The following TCF12 variants were observed in gnomAD, a reference collection of about 807,000 sequenced individuals.
The protein encoded by TCF12 is transcription factor 12.
Under a neutral mutation model 86.0 loss-of-function variants are expected in TCF12, and 45 were observed. The observed-to-expected ratio is 0.52, with a 90% CI of 0.41 to 0.67. The LOEUF is 0.67. TCF12 is among the 30% of genes least tolerant of loss of function. The probability of loss-of-function intolerance (pLI) is 0.00; values close to 1 mark genes in which losing one functional copy is unlikely to be tolerated. For missense variants in TCF12, 881 were observed against 859.9 expected, an observed-to-expected ratio of 1.02 and a Z score of -0.31; for synonymous variants, 330 against 299.6, an observed-to-expected ratio of 1.10 and a Z score of -1.05.
chr15:57,204,665 A>G (rs755585958), intron 8 of TCF12, among the ~76,000 whole-genome samples: 1 of 152,164 alleles, frequency 6.6e-6, no homozygotes, highest in Non-Finnish European at 1.5e-5. Flanking sequence ...CTGCTAGACC[A>G]TGTCTAATAA....
At chr15:56,991,035 G>T (rs1937758908) in intron 3 of TCF12, among the ~76,000 whole-genome samples, 1 of 151,878 alleles carries the variant, frequency 6.6e-6, no homozygotes, top group South Asian at 2.1e-4. Flanking sequence ...GGCTTAATCA[G>T]TCCTCCCACC....
intron 3 of TCF12, among the ~76,000 whole-genome samples, chr15:57,001,631 C>T (rs1264037995): frequency 1.3e-5 from 2 of 152,212 alleles, no homozygotes; most frequent in Non-Finnish European, 2.9e-5. Context: ...GGATGTCTCA[C>T]ATTCTGGATT....
At chr15:57,247,952 C>G (rs1187760295) in intron 13 of TCF12, 1 of 749,578 alleles carries the variant, frequency 1.3e-6, no homozygotes, top group Admixed American at 1.7e-5. Context: ...TGCAAAAGCT[C>G]TGGTTCCTTT....
intron 3 of TCF12, among the ~76,000 whole-genome samples, chr15:56,970,893 TAAAA>T (rs58694609): frequency 0.23 from 33,138 of 146,380 alleles, 3,644 homozygotes; most frequent in Middle Eastern, 0.24. Context: ...CTACAAAAAA[TAAAA>T]AAAAAAATTA....
At chr15:57,134,293 A>G (rs1370115076) in intron 5 of TCF12, 5 of 152,272 alleles carry the variant, frequency 3.3e-5, no homozygotes, top group Non-Finnish European at 5.9e-5. Context: ...AGGAAAAAAT[A>G]AATATGCAAA....
chr15:57,167,331 TAGG>T (rs1209264998), intron 6 of TCF12, among the ~76,000 whole-genome samples: 8 of 152,034 alleles, frequency 5.3e-5, no homozygotes, highest in African/African-American at 1.9e-4. Flanking sequence ...GAGACTGAGG[TAGG>T]AGAATCACTT....
chr15:56,988,346 G>A (rs1415984369), intron 3 of TCF12, among the ~76,000 whole-genome samples: 2 of 152,104 alleles, frequency 1.3e-5, no homozygotes, highest in Non-Finnish European at 2.9e-5. Flanking sequence ...AACCTGTACA[G>A]CATGTTACTC....
intron 6 of TCF12, among the ~76,000 whole-genome samples, chr15:57,175,082 A>G (rs1418030684): frequency 6.6e-6 from 1 of 152,228 alleles, no homozygotes; most frequent in African/African-American, 2.4e-5. Context: ...CAAAGGACTG[A>G]TATACAGGAT....
intron 5 of TCF12, among the ~76,000 whole-genome samples, chr15:57,123,924 G>A (rs1302130816): frequency 1.4e-5 from 2 of 143,942 alleles, no homozygotes; most frequent in African/African-American, 5.1e-5. Context: ...TAGCCGAGAT[G>A]CGCCACTGCA....
At chr15:56,926,154 A>G (rs1454291551) in intron 3 of TCF12, among the ~76,000 whole-genome samples, 1 of 152,178 alleles carries the variant, frequency 6.6e-6, no homozygotes, top group Non-Finnish European at 1.5e-5. Flanking sequence ...TCTACCAAAA[A>G]TACACAGAAT....
chr15:57,103,010 C>T (rs894088744), intron 5 of TCF12, among the ~76,000 whole-genome samples: 2 of 152,064 alleles, frequency 1.3e-5, no homozygotes, highest in African/African-American at 2.4e-5. Context: ...GTTGGGCAGT[C>T]GCGTCTCTAT....
At chr15:57,229,760 T>G (rs1212469691) in intron 8 of TCF12, among the ~76,000 whole-genome samples, 3 of 151,922 alleles carry the variant, frequency 2.0e-5, no homozygotes, top group Non-Finnish European at 2.9e-5. Context: ...CTAAACATTT[T>G]ATATATAATT....
intron 1 of TCF12, 101 bp from the exon 2 acceptor site, chr15:56,919,791 C>A: frequency 9.7e-7 from 1 of 1,029,182 alleles, no homozygotes; most frequent in Non-Finnish European, 1.4e-6. Flanking sequence ...CATCCCGGCG[C>A]CCCCAGCGCT....
At chr15:57,006,154 T>A (rs1452612809) in intron 3 of TCF12, among the ~76,000 whole-genome samples, 17 of 152,156 alleles carry the variant, frequency 1.1e-4, no homozygotes, top group Non-Finnish European at 1.9e-4. Context: ...GATTTTTATT[T>A]CAGTATATTA....
At chr15:57,171,741 A>C (rs866177502) in intron 6 of TCF12, among the ~76,000 whole-genome samples, 1 of 152,222 alleles carries the variant, frequency 6.6e-6, no homozygotes, top group African/African-American at 2.4e-5. Context: ...ATTACTGGAA[A>C]CACTGATAGA....
At chr15:56,966,451 G>A (rs2062009087) in intron 3 of TCF12, among the ~76,000 whole-genome samples, 1 of 152,164 alleles carries the variant, frequency 6.6e-6, no homozygotes, top group Non-Finnish European at 1.5e-5. Context: ...AGGTAGCTAA[G>A]CCTTGTTAAA....
At chr15:57,079,856 AC>A (rs1489572911) in intron 4 of TCF12, among the ~76,000 whole-genome samples, 17 of 152,200 alleles carry the variant, frequency 1.1e-4, no homozygotes, top group African/African-American at 3.4e-4. Context: ...ATAAGGACTA[AC>A]CTGAAGAGAT....
intron 8 of TCF12, among the ~76,000 whole-genome samples, chr15:57,206,250 C>T (rs1342593936): frequency 6.6e-6 from 1 of 152,154 alleles, no homozygotes; most frequent in Non-Finnish European, 1.5e-5. Flanking sequence ...TGCCTGTAAT[C>T]CCAGTGCTTT....
At position 57,232,778 on chromosome 15, in the gene TCF12, C is replaced by T; in HGVS notation, c.892C>T (p.His298Tyr). 1 of 1,612,908 alleles carries T rather than the reference C, an allele frequency of 6.2e-7. No individual in the cohort carries two copies. Among genetic ancestry groups the T allele is most frequent in the Non-Finnish European group, 8.5e-7 (1 of 1,179,448 alleles). Reference sequence around the variant, plus strand: ...GAGTCTTCCACCAATGTCCAGCTTTCATCGCGGCAGTACCAGCAGTTCACC... The same window carrying T: ...GAGTCTTCCACCAATGTCCAGCTTTTATCGCGGCAGTACCAGCAGTTCACC... The part of the protein sequence containing the change: ...NTSLPPMSSF[H>Y]RGSTSSSPYV... The change falls in exon 11 of 21, where the codon CAT (histidine) becomes TAT (tyrosine). Residue 298 changes from histidine (H) to tyrosine (Y), a missense_variant. Physicochemically the swap from His to Tyr is moderately conservative, Grantham distance 83. Around this residue, in one of 3 missense-constraint regions of TCF12, gnomAD observed 766 missense variants for 718.9 expected, o/e 1.07. Coordinates refer to ENST00000333725, the MANE Select transcript of TCF12 (RefSeq NM_207037.2).
Sources: allele counts gnomAD v4.1 joint callset (sites outside exome capture counted in the v4.1 genomes callset), GRCh38; gene constraint gnomAD v4.1.1; regional missense constraint gnomAD v4.1.1; transcripts MANE v1.5; gene names NCBI Gene and HGNC (gene_info 2026-07-23, HGNC 2026-07-21).